The following PAK5 variants were observed in gnomAD, a reference collection of about 807,000 sequenced individuals.
PAK5 encodes serine/threonine-protein kinase PAK 5.
In PAK5, 16 loss-of-function variants were observed where a neutral mutation model predicts 65.9. The observed-to-expected ratio is 0.24, with a 90% confidence interval of 0.16 to 0.37. The LOEUF (loss-of-function observed/expected upper bound fraction) is 0.37, where lower values mean the gene tolerates loss of function less well. Among genes scored for constraint, PAK5 ranks in the 10% least tolerant of loss-of-function variants. The pLI, the probability that PAK5 is intolerant of heterozygous loss-of-function variation, is 1.00. For missense variants in PAK5, 785 were observed against 903.9 expected, an observed-to-expected ratio of 0.87 and a Z score of 1.69; for synonymous variants, 371 against 354.9, an observed-to-expected ratio of 1.05 and a Z score of -0.51.
intron 8 of PAK5, 108 bp from the exon 9 acceptor site, chr20:9,542,828 C>T: frequency 1.1e-6 from 1 of 936,996 alleles, no homozygotes; most frequent in Non-Finnish European, 1.6e-6. Context: ...GCACTTGTAA[C>T]CTCTCAACAT....
chr20:9,644,404 C>T, intron 2 of PAK5, 65 bp from the exon 3 acceptor site: 1 of 1,059,918 alleles, frequency 9.4e-7, no homozygotes, highest in South Asian at 1.3e-5. Flanking sequence ...CAGGAGAAAG[C>T]TATTGTTAAT....
At chr20:9,710,672 G>T (rs1343202917) in intron 2 of PAK5, among the ~76,000 whole-genome samples, 1 of 151,674 alleles carries the variant, frequency 6.6e-6, no homozygotes. Flanking sequence ...CTATAATAAA[G>T]AAGAATGGCC....
chr20:9,641,987 C>A (rs1173437385), intron 3 of PAK5, among the ~76,000 whole-genome samples: 1 of 152,176 alleles, frequency 6.6e-6, no homozygotes, highest in Non-Finnish European at 1.5e-5. Context: ...CACCTCCCTG[C>A]AAGCTGAGGG....
chr20:9,619,831 GGCTCTCAACCAATCATCAGT>G (rs1393817651), intron 3 of PAK5, among the ~76,000 whole-genome samples: 53 of 152,226 alleles, frequency 3.5e-4, no homozygotes, highest in African/African-American at 1.2e-3. Flanking sequence ...AGATCACCAG[GGCTCTCAACCAATCATCAGT>G]GCTCTCAACC....
intron 2 of PAK5, among the ~76,000 whole-genome samples, chr20:9,662,479 G>T (rs976959538): frequency 2.0e-5 from 3 of 152,140 alleles, no homozygotes; most frequent in Non-Finnish European, 4.4e-5. Context: ...TCCAGGTACT[G>T]CCATGTGACT....
chr20:9,715,610 G>A (rs1288516200), intron 1 of PAK5, among the ~76,000 whole-genome samples: 1 of 151,758 alleles, frequency 6.6e-6, no homozygotes, highest in East Asian at 1.9e-4. Flanking sequence ...TGTTTATTGC[G>A]GCACTATTCA....
At chr20:9,655,125 C>G (rs1019999222) in intron 2 of PAK5, among the ~76,000 whole-genome samples, 1 of 152,118 alleles carries the variant, frequency 6.6e-6, no homozygotes, top group African/African-American at 2.4e-5. Context: ...GTAGGCAGAC[C>G]AATGTTTCTA....
intron 3 of PAK5, among the ~76,000 whole-genome samples, chr20:9,595,216 C>G (rs1461288651): frequency 1.4e-4 from 22 of 151,784 alleles, no homozygotes; most frequent in Admixed American, 1.4e-3. Flanking sequence ...GAAAAAGAAA[C>G]AGCAATTCAA....
intron 3 of PAK5, among the ~76,000 whole-genome samples, chr20:9,584,011 G>A (rs2046026348): frequency 6.6e-6 from 1 of 152,074 alleles, no homozygotes; most frequent in Non-Finnish European, 1.5e-5. Context: ...TGTAGTCATT[G>A]TTGAGGGTGG....
At chr20:9,738,707 A>G (rs2423451) in intron 1 of PAK5, among the ~76,000 whole-genome samples, 103,350 of 152,028 alleles carry the variant, frequency 0.68, 35,386 homozygotes, top group South Asian at 0.84. Context: ...AAAAGGCTGT[A>G]ATAAAACTTC....
At chr20:9,710,110 A>T (rs2048060150) in intron 2 of PAK5, among the ~76,000 whole-genome samples, 1 of 152,160 alleles carries the variant, frequency 6.6e-6, no homozygotes, top group Non-Finnish European at 1.5e-5. Flanking sequence ...TGACTAAGTC[A>T]CTAGTCCTTA....
intron 4 of PAK5, among the ~76,000 whole-genome samples, chr20:9,568,768 G>A (rs1052063050): frequency 5.3e-5 from 8 of 152,158 alleles, no homozygotes; most frequent in Non-Finnish European, 7.3e-5. Context: ...GGAGCTCAAG[G>A]CTGCAGTGAG....
intron 2 of PAK5, among the ~76,000 whole-genome samples, chr20:9,660,641 G>A (rs1156588297): frequency 6.6e-6 from 1 of 152,108 alleles, no homozygotes; most frequent in Non-Finnish European, 1.5e-5. Context: ...GGGATGAGAA[G>A]ATGTCCTTAA....
intron 1 of PAK5, chr20:9,784,608 G>A (rs918486947): frequency 3.3e-5 from 5 of 152,108 alleles, no homozygotes; most frequent in Admixed American, 1.3e-4. Context: ...GTAAAATGTA[G>A]GGTTCAGTTG....
Position 9,838,490 on chromosome 20 carries a change from T to C in PAK5, c.-162+272A>G, listed in dbSNP as rs1170879601. On this transcript the variant is annotated intron_variant, in intron 1 of 9. Transcript: ENST00000353224. This position sits in a 1 kb window ranked among gnomAD's most constrained non-coding sequence, Gnocchi z 4.5. ...CTCCACGCCCTCCCGCCCAGCAAAA[T>C]GGAACCATCCTTTATTTGGTTGGTA... Among the ~76,000 whole-genome samples the C allele has an allele frequency of 1.3e-5, 2 of 152,158 alleles. No individual in the cohort carries two copies. Among genetic ancestry groups the C allele is most frequent in the Admixed American group, 6.5e-5 (1 of 15,282 alleles).
chr20:9,557,617 G>C lies in PAK5; in HGVS notation c.1734C>G (p.Ser578Arg). Residue 578 changes from serine to arginine, a missense_variant, in exon 7 of 10, where the codon AGC (serine) becomes AGG (arginine). Coordinates refer to ENST00000353224, the MANE Select transcript of PAK5 (RefSeq NM_177990.4). ...DIKSDSILLT[S>R]DGRIKLSDFG... ...AACATGAACATCTTACCCGGCCATC[G>C]CTTGTCAGGAGGATGGAGTCACTTT... The C allele has an allele frequency of 6.2e-7, 1 of 1,609,534 alleles. No homozygotes were observed. Among genetic ancestry groups the C allele is most frequent in the Non-Finnish European group, 8.5e-7 (1 of 1,177,922 alleles).
intron 2 of PAK5, among the ~76,000 whole-genome samples, chr20:9,669,935 C>A (rs2047472411): frequency 6.6e-6 from 1 of 151,982 alleles, no homozygotes; most frequent in Admixed American, 6.6e-5. Flanking sequence ...CCCCCCACCC[C>A]ACAACAGTCC....
At chr20:9,714,389 G>A (rs757933279) in intron 1 of PAK5, among the ~76,000 whole-genome samples, 7 of 152,074 alleles carry the variant, frequency 4.6e-5, no homozygotes, top group Admixed American at 6.6e-5. Flanking sequence ...GGTACAAAAG[G>A]TCCATACTTA....
At chr20:9,673,418 A>C (rs188528440) in intron 2 of PAK5, among the ~76,000 whole-genome samples, 26 of 152,354 alleles carry the variant, frequency 1.7e-4, no homozygotes, top group African/African-American at 5.8e-4. Context: ...GCCGTGAGCT[A>C]CATGGAGGTT....
Sources: allele counts gnomAD v4.1 joint callset (sites outside exome capture counted in the v4.1 genomes callset), GRCh38; gene constraint gnomAD v4.1.1; non-coding constraint Gnocchi (gnomAD v3.1); transcripts MANE v1.5; gene names NCBI Gene and HGNC (gene_info 2026-07-23, HGNC 2026-07-21).